The following MUC12 variants were observed in gnomAD, a reference collection of about 807,000 sequenced individuals.
The protein encoded by MUC12 is mucin 12, cell surface associated.
A neutral mutation model predicts 230.8 loss-of-function variants in MUC12; 172 were observed. That is an observed-to-expected ratio of 0.75 (90% confidence interval 0.66 to 0.85). The LOEUF (loss-of-function observed/expected upper bound fraction) is 0.85. Ranked by LOEUF, MUC12 falls within the 40% of genes least tolerant of loss-of-function variation. MUC12 has a pLI of 0.00. For synonymous variants in MUC12, 1,259 were observed against 2,401.9 expected, an observed-to-expected ratio of 0.52 and a Z score of 13.91; for missense variants, 3,506 against 5,920.6, an observed-to-expected ratio of 0.59 and a Z score of 13.38.
Position 100,995,862 on chromosome 7 carries a change from G to C in MUC12, c.5299G>C (p.Glu1767Gln), listed in dbSNP as rs1239309757. 3 of 1,445,872 alleles carry C rather than the reference G, an allele frequency of 2.1e-6. No individual in the cohort carries two copies. Among genetic ancestry groups the C allele is most frequent in the Non-Finnish European group, 2.8e-6 (3 of 1,080,282 alleles). The allele number at this position is 1,445,872 out of a possible 1,614,324, so 89.6% of individuals were successfully genotyped here. A position where few individuals can be genotyped will look rare whatever the true frequency, so the allele number is the denominator to read the frequency against. The change falls in exon 2 of 12, where the codon GAA becomes CAA. Residue 1767 changes from glutamate to glutamine, a missense_variant. By Grantham distance (29) the Glu-to-Gln change is conservative. Coordinates refer to ENST00000536621, the MANE Select transcript of MUC12 (RefSeq NM_001164462.2). The stretch of plus-strand genomic sequence containing the variant: ...CCGCTCCACAACCTCAGGCCTCGTT[G>C]AAGAATCTACGGCGTACCACAGCAG... ...PARSTTSGLV[E>Q]ESTAYHSSPG...
At position 100,991,900 on chromosome 7, in the gene MUC12, C is replaced by T; in HGVS notation, c.1337C>T (p.Ala446Val). 6.5e-7 allele frequency: 1 copy of T among 1,537,966 alleles called. No individual in the cohort carries two copies. Residue 446 changes from alanine to valine, a missense_variant, in exon 2 of 12, where the codon GCA (alanine) becomes GTA (valine). Ala to Val is a moderately conservative substitution (Grantham distance 64). Transcript: ENST00000536621. The stretch of plus-strand genomic sequence containing the variant: ...AAAGCATCCCACAGCAGCCCAGATG[C>T]AATGGCAACAACAGTCTTACCTGCC... ...ESKASHSSPD[A>V]MATTVLPAGS...
intron 1 of MUC12, among the ~76,000 whole-genome samples, chr7:100,989,460 A>G (rs1197299063): frequency 1.3e-5 from 2 of 152,006 alleles, no homozygotes; most frequent in Non-Finnish European, 2.9e-5. Context: ...TGTGTAAACC[A>G]GACAATATAA....
chr7:101,004,855 A>G lies in MUC12; in HGVS notation c.14292A>G (p.Gly4764=), dbSNP rs941316059. 12 of 1,537,080 alleles carry G rather than the reference A, an allele frequency of 7.8e-6. No individual in the cohort carries two copies. The highest frequency in any genetic ancestry group is 2.0e-5 in the Admixed American group (1 of 50,956). The part of the protein sequence containing the change: ...PASMTSSSIS[G]EPTSLYSQAE... ...GCATGACAAGCTCCAGCATCAGTGGAGAACCCACCAGCTTGTATAGCCAAG... is the reference window on the plus strand; with the variant it reads ...GCATGACAAGCTCCAGCATCAGTGGGGAACCCACCAGCTTGTATAGCCAAG... The change falls in exon 2 of 12, where the codon GGA becomes GGG. Residue 4764 remains glycine (G), a synonymous_variant. Coordinates refer to ENST00000536621, the MANE Select transcript of MUC12 (RefSeq NM_001164462.2).
intron 1 of MUC12, among the ~76,000 whole-genome samples, chr7:100,971,235 G>T (rs566204758): frequency 0.033 from 4,990 of 152,370 alleles, 103 homozygotes; most frequent in Middle Eastern, 0.071. Context: ...GAGGCTCAGG[G>T]GTCCTTGCTC....
At chr7:100,989,679 C>T (rs1258712289) in intron 1 of MUC12, among the ~76,000 whole-genome samples, 2 of 148,190 alleles carry the variant, frequency 1.3e-5, no homozygotes, top group African/African-American at 2.4e-5. Flanking sequence ...CAGAGCCATA[C>T]TACTAACAAT....
intron 1 of MUC12, among the ~76,000 whole-genome samples, chr7:100,970,122 AG>A: frequency 6.6e-6 from 1 of 152,412 alleles, no homozygotes; most frequent in Non-Finnish European, 1.5e-5. Context: ...GGGAGTCCAG[AG>A]GGGTGTGTGA....
chr7:100,995,605 C>T lies in MUC12; in HGVS notation c.5042C>T (p.Thr1681Ile), dbSNP rs1433276139. The T allele has an allele frequency of 9.8e-6, 15 of 1,536,836 alleles. No individual in the cohort carries two copies. The highest frequency in any genetic ancestry group is 1.7e-4 in the Middle Eastern group (1 of 6,010). Reference sequence around the variant, plus strand: ...ACACTGTCCCCTGCCGGCTCTACAACACGTCAGGGAGAATCTACCACCTTC... The same window carrying T: ...ACACTGTCCCCTGCCGGCTCTACAATACGTCAGGGAGAATCTACCACCTTC... ...HTTLSPAGST[T>I]RQGESTTFQS... Residue 1681 changes from threonine to isoleucine, a missense_variant, in exon 2 of 12, where the codon ACA becomes ATA. Physicochemically the swap from Thr to Ile is moderately conservative, Grantham distance 89. Transcript: ENST00000536621.
chr7:100,988,227 C>T (rs530036221), intron 1 of MUC12, among the ~76,000 whole-genome samples: 65 of 133,830 alleles, frequency 4.9e-4, no homozygotes, highest in African/African-American at 1.6e-3. Flanking sequence ...ACCCAGGAGG[C>T]GGAGGTTGCA....
Position 100,992,294 on chromosome 7 carries a change from T to C in MUC12, c.1731T>C (p.Tyr577=), listed in dbSNP as rs546313599. The part of the protein sequence containing the change: ...STTASSLGPE[Y]TTFHSRPGST... ...CAGCATCATCCCTTGGTCCAGAATA[T>C]ACTACCTTCCACAGCCGCCCAGGCT... Residue 577 remains tyrosine, a synonymous_variant, in exon 2 of 12, where the codon TAT becomes TAC. Transcript: ENST00000536621. 128 of 1,536,700 alleles carry C rather than the reference T, an allele frequency of 8.3e-5. 2 individuals carry two copies. In the South Asian group the frequency reaches 1.1e-3, roughly 13 times the overall value.
chr7:101,012,251 C>T lies in MUC12; in HGVS notation c.15252-45C>T. ...TGGGTGCTTGGGCTCCACTTGCTGG[C>T]TGGGTGGTGACATGGGTAACTGATG... On this transcript the variant is annotated intron_variant, in intron 5 of 11. Coordinates refer to ENST00000536621, the MANE Select transcript of MUC12 (RefSeq NM_001164462.2). 7 of 1,530,562 alleles carry T rather than the reference C, an allele frequency of 4.6e-6. No homozygotes were observed. In the South Asian group the frequency reaches 8.4e-5, roughly 18 times the overall value. 94.8% of individuals were successfully genotyped at this position (1,530,562 alleles called of 1,614,324 possible).
Position 101,013,924 on chromosome 7 carries a change from C to G in MUC12, c.15650C>G (p.Thr5217Arg). The G allele has an allele frequency of 6.5e-7, 1 of 1,533,754 alleles. No individual in the cohort carries two copies. The highest frequency in any genetic ancestry group is 1.2e-5 in the South Asian group (1 of 83,278). ...GTCTGTGTCCCCAGGTGCCCAAATA[C>G]GAACACACACTGGTACTGGGGAGAG... ...RSGPRCLCPN[T>R]NTHWYWGETC... is the part of the protein sequence containing the mutation. The change falls in exon 9 of 12, where the codon ACG (threonine) becomes AGG (arginine). Residue 5217 changes from threonine to arginine, a missense_variant. By Grantham distance (71) the Thr-to-Arg change is moderately conservative. Coordinates refer to ENST00000536621, the MANE Select transcript of MUC12 (RefSeq NM_001164462.2).
Position 101,005,366 on chromosome 7 carries a change from A to G in MUC12, c.14803A>G (p.Thr4935Ala), listed in dbSNP as rs1340515795. The change falls in exon 2 of 12, where the codon ACT becomes GCT. Residue 4935 changes from threonine to alanine, a missense_variant. Coordinates refer to ENST00000536621, the MANE Select transcript of MUC12 (RefSeq NM_001164462.2). ...CTCAGACCTTGTTGGAGAACCTACA[A>G]CTTTCTACATCAGCCCATCCCCTAC... The part of the protein sequence containing the change: ...TASDLVGEPT[T>A]FYISPSPTYT... The G allele has an allele frequency of 6.5e-6, 10 of 1,537,600 alleles. No homozygotes were observed. Among genetic ancestry groups the G allele is most frequent in the African/African-American group, 5.5e-5 (4 of 72,944 alleles).
intron 10 of MUC12, 140 bp downstream of exon 10, chr7:101,015,831 G>T: frequency 1.4e-6 from 1 of 706,192 alleles, no homozygotes; most frequent in Non-Finnish European, 2.4e-6. Flanking sequence ...CCTACCTGCC[G>T]CTGCAGCCCC....
intron 6 of MUC12, 128 bp downstream of exon 6, chr7:101,012,575 G>A (rs1027632897): frequency 1.8e-5 from 21 of 1,148,356 alleles, no homozygotes; most frequent in Admixed American, 2.5e-5. Context: ...CAGAAGCCAG[G>A]CCCAGGGTGC....
In MUC12 at chr7:100,992,600, C is replaced by T. The variant is rs760792287; in HGVS notation, c.2037C>T (p.Thr679=). 7.8e-6 allele frequency: 12 copies of T among 1,537,736 alleles called. No homozygotes were observed. The African/African-American group carries it at 9.6e-5, about 12-fold the overall frequency. ...CCCACATTTCTGCCCGCTCCACAACCTCAGGCCTCGTTGAAGAATCTACGA... is the reference window on the plus strand; with the variant it reads ...CCCACATTTCTGCCCGCTCCACAACTTCAGGCCTCGTTGAAGAATCTACGA... ...PTTHISARST[T]SGLVEESTTY... is the part of the protein sequence containing the mutation. Residue 679 remains threonine, a synonymous_variant, in exon 2 of 12, where the codon ACC becomes ACT. Coordinates refer to ENST00000536621, the MANE Select transcript of MUC12 (RefSeq NM_001164462.2).
Position 100,990,688 on chromosome 7 carries a change from C to A in MUC12, c.125C>A (p.Ser42Ter). 1 of 1,537,844 alleles carries A rather than the reference C, an allele frequency of 6.5e-7. No individual in the cohort carries two copies. The highest frequency in any genetic ancestry group is 1.2e-5 in the South Asian group (1 of 84,066). The change falls in exon 2 of 12, where the codon TCA becomes TAA. Residue 42 changes from serine to a stop codon, truncating the protein, a stop_gained. Transcript: ENST00000536621. LOFTEE classifies it high-confidence loss of function. ...GNTTSASTPS[S>*]SDPFTTFSDY... ...ACAACTTCTGCATCCACACCCAGTT[C>A]AAGCGACCCTTTTACCACCTTTAGT...
chr7:101,017,477 G>C (rs1793949858), intron 10 of MUC12, 98 bp from the exon 11 acceptor site: 1 of 761,968 alleles, frequency 1.3e-6, no homozygotes, highest in Admixed American at 2.4e-5. Flanking sequence ...TAGGGCAGAT[G>C]CCGGGCTGAC....
In MUC12 at chr7:100,991,116, A is replaced by G. The variant is rs2116299823; in HGVS notation, c.553A>G (p.Thr185Ala). 1 of 1,537,632 alleles carries G rather than the reference A, an allele frequency of 6.5e-7. No homozygotes were observed. Among genetic ancestry groups the G allele is most frequent in the East Asian group, 2.4e-5 (1 of 40,908 alleles). Residue 185 changes from threonine (T) to alanine (A), a missense_variant, in exon 2 of 12, where the codon ACC becomes GCC. By Grantham distance (58) the Thr-to-Ala change is moderately conservative. Transcript: ENST00000536621. ...CACAATAGCGTTCCCTGACAGTACC[A>G]CCATGCCAGGCGTCAGTCAGGAATC... ...THTIAFPDST[T>A]MPGVSQESTA...
Position 101,005,012 on chromosome 7 carries a change from T to C in MUC12, c.14449T>C (p.Ser4817Pro). 5 of 1,537,532 alleles carry C rather than the reference T, an allele frequency of 3.3e-6. No homozygotes were observed. The highest frequency in any genetic ancestry group is 4.4e-6 in the Non-Finnish European group (5 of 1,146,994). Residue 4817 changes from serine to proline, a missense_variant, in exon 2 of 12, where the codon TCT becomes CCT. Ser to Pro is a moderately conservative substitution (Grantham distance 74, BLOSUM62 -1). Transcript: ENST00000536621. ...TLSPGSITTS[S>P]FAQEFTTPHS... ...GTCCCCTGGCAGCATCACAACTTCA[T>C]CTTTTGCTCAAGAATTTACCACCCC... is the stretch of plus-strand genomic sequence containing the variant.
Sources: gnomAD v4.1 joint callset for allele counts (sites outside exome capture counted in the v4.1 genomes callset) on GRCh38, gnomAD v4.1.1 for gene constraint, MANE v1.5 for transcripts, NCBI Gene and HGNC (gene_info 2026-07-23, HGNC 2026-07-21) for gene names.